XKR6: variants seen among roughly 807,000 people sequenced by gnomAD.
XKR6 encodes the protein XK related 6, also known as XK-related protein 6.
A neutral mutation model predicts 56.7 loss-of-function variants in XKR6; 22 were observed. The observed-to-expected ratio is 0.39, with a 90% CI of 0.28 to 0.55. The LOEUF (loss-of-function observed/expected upper bound fraction) is 0.55, where lower values mean the gene tolerates loss of function less well. XKR6 is among the 20% of genes least tolerant of loss of function. The probability of loss-of-function intolerance (pLI) is 0.66; values close to 1 mark genes in which losing one functional copy is unlikely to be tolerated. For synonymous variants in XKR6, 524 were observed against 387.8 expected (o/e 1.35, Z -4.13); for missense variants, 852 against 889.0 (o/e 0.96, Z 0.53).
chr8:11,168,048 A>G (rs899102981), intron 1 of XKR6, among the ~76,000 whole-genome samples: 3 of 152,162 alleles, frequency 2.0e-5, no homozygotes, highest in African/African-American at 7.2e-5. Flanking sequence ...ACATAAAACC[A>G]AAAACAACAA....
intron 1 of XKR6, among the ~76,000 whole-genome samples, chr8:11,139,547 A>G (rs1800576880): frequency 6.6e-6 from 1 of 152,094 alleles, no homozygotes; most frequent in African/African-American, 2.4e-5. Context: ...GGACTAGATG[A>G]GCCTCACCTC....
At chr8:11,105,164 A>ATATT (rs1250026651) in intron 1 of XKR6, 2 of 152,172 alleles carry the variant, frequency 1.3e-5, no homozygotes, top group Admixed American at 1.3e-4. Context: ...GAATATGCTA[A>ATATT]TATTTATTGC....
chr8:11,124,148 G>T (rs1799631493), intron 1 of XKR6: 3 of 377,168 alleles, frequency 8.0e-6, no homozygotes, highest in Admixed American at 3.2e-5. Flanking sequence ...CTAATTTACT[G>T]GCATTTACAT....
intron 1 of XKR6, among the ~76,000 whole-genome samples, chr8:11,006,047 G>A (rs960900263): frequency 6.6e-6 from 1 of 151,798 alleles, no homozygotes; most frequent in African/African-American, 2.4e-5. Context: ...TTTCACCATG[G>A]TGGCCAGGCT....
intron 1 of XKR6, among the ~76,000 whole-genome samples, chr8:11,056,888 T>C (rs1799698624): frequency 6.6e-6 from 1 of 152,206 alleles, no homozygotes; most frequent in African/African-American, 2.4e-5. Context: ...TTCAGGCCTC[T>C]AGTCTCACCC....
chr8:11,064,101 G>C (rs987001397), intron 1 of XKR6, among the ~76,000 whole-genome samples: 2 of 152,016 alleles, frequency 1.3e-5, no homozygotes, highest in Non-Finnish European at 2.9e-5. Context: ...ACTTCCTCGT[G>C]TTGCTTTCCT....
At chr8:10,931,820 G>T (rs1469169853) in intron 1 of XKR6, among the ~76,000 whole-genome samples, 1 of 137,838 alleles carries the variant, frequency 7.3e-6, no homozygotes, top group Non-Finnish European at 1.6e-5. Context: ...GCAAAGGCAT[G>T]ATCCATAAAA....
intron 1 of XKR6, among the ~76,000 whole-genome samples, chr8:10,996,820 CTA>C (rs1333743741): frequency 6.6e-6 from 1 of 152,030 alleles, no homozygotes; most frequent in Non-Finnish European, 1.5e-5. Context: ...TGAGACCTAC[CTA>C]AGCAACATAG....
chr8:11,044,831 G>C (rs532152047), intron 1 of XKR6, among the ~76,000 whole-genome samples: 1 of 152,054 alleles, frequency 6.6e-6, no homozygotes, highest in South Asian at 2.1e-4. Flanking sequence ...TGTTGGGTAG[G>C]CTGGTCTTGA....
At chr8:11,180,593 G>A (rs1802918567) in intron 1 of XKR6, among the ~76,000 whole-genome samples, 1 of 152,196 alleles carries the variant, frequency 6.6e-6, no homozygotes, top group South Asian at 2.1e-4. Flanking sequence ...GCAGGAGAAG[G>A]ATTTGGTTGA....
intron 1 of XKR6, among the ~76,000 whole-genome samples, chr8:10,967,083 G>T (rs1404239073): frequency 1.3e-5 from 2 of 152,156 alleles, no homozygotes; most frequent in Non-Finnish European, 2.9e-5. Flanking sequence ...GAGTCAGCCC[G>T]CATTCCAACA....
At chr8:11,096,691 A>G (rs1798272549) in intron 1 of XKR6, among the ~76,000 whole-genome samples, 2 of 152,246 alleles carry the variant, frequency 1.3e-5, no homozygotes, top group Admixed American at 6.5e-5. Context: ...TTTGCCCCAC[A>G]TCCCATCAAC....
At chr8:11,164,852 T>C (rs1033542016) in intron 1 of XKR6, among the ~76,000 whole-genome samples, 1 of 152,134 alleles carries the variant, frequency 6.6e-6, no homozygotes, top group African/African-American at 2.4e-5. Context: ...ACCAACACCA[T>C]CACTTAATTA....
At chr8:11,163,023 G>A (rs566282561) in intron 1 of XKR6, among the ~76,000 whole-genome samples, 1 of 152,250 alleles carries the variant, frequency 6.6e-6, no homozygotes, top group Non-Finnish European at 1.5e-5. Context: ...AAGAGAAACA[G>A]GTTATTTTAT....
chr8:11,191,676 C>A (rs1803584579), intron 1 of XKR6, among the ~76,000 whole-genome samples: 1 of 137,396 alleles, frequency 7.3e-6, no homozygotes, highest in South Asian at 2.3e-4. Context: ...ATGGACAGGA[C>A]ACTGGAAAAA....
chr8:11,195,082 C>G, intron 1 of XKR6: 1 of 699,290 alleles, frequency 1.4e-6, no homozygotes, highest in South Asian at 1.5e-5. Context: ...CTCAATTTAA[C>G]CCACTTACCC....
rs967894070 is a variant in XKR6 at position 11,200,517 on chromosome 8, C to T, written c.764+59G>A. The T allele has an allele frequency of 1.3e-4, 177 of 1,392,860 alleles. No homozygotes were observed. Among genetic ancestry groups the T allele is most frequent in the Non-Finnish European group, 1.6e-4 (176 of 1,081,718 alleles). 86.3% of individuals were successfully genotyped at this position (1,392,860 alleles called of 1,614,324 possible). A position where few individuals can be genotyped will look rare whatever the true frequency, so the allele number is the denominator to read the frequency against. On this transcript the variant is annotated intron_variant, in intron 1 of 2. Coordinates refer to ENST00000416569, the MANE Select transcript of XKR6 (RefSeq NM_173683.4). This position sits in a 1 kb window ranked among gnomAD's most constrained non-coding sequence, Gnocchi z 6.4. ...TTCGAGGGGCCGCCCCGCGAAGCAC[C>T]GGGAGGGCGGAGGGGGGCTCCTCAG...
chr8:11,055,622 GCT>G lies in XKR6; in HGVS notation c.765-130794_765-130793del, dbSNP rs558210706. ...GCCCCCAAATCCACGTCCCAGGACA[GCT>G]CTGTCTGACAAATAACAGGTTTGGA... On this transcript the variant is annotated intron_variant, in intron 1 of 2. Coordinates refer to ENST00000416569, the MANE Select transcript of XKR6 (RefSeq NM_173683.4). 3.3e-5 allele frequency among the ~76,000 whole-genome samples: 5 copies of G among 152,366 alleles called. No individual in the cohort carries two copies. In the South Asian group the frequency reaches 1.0e-3, roughly 32 times the overall value.
At chr8:10,962,344 C>G (rs4841465) in intron 1 of XKR6, among the ~76,000 whole-genome samples, 2 of 151,948 alleles carry the variant, frequency 1.3e-5, no homozygotes, top group African/African-American at 4.8e-5. Context: ...GCCCCTGACT[C>G]GTAGTCCCCA....
Sources: allele counts gnomAD v4.1 joint callset (sites outside exome capture counted in the v4.1 genomes callset), GRCh38; gene constraint gnomAD v4.1.1; non-coding constraint Gnocchi (gnomAD v3.1); transcripts MANE v1.5; gene names NCBI Gene and HGNC (gene_info 2026-07-23, HGNC 2026-07-21).